Variants in SLC71A2 observed in about 807,000 individuals in gnomAD.
SLC71A2 encodes hippocampus abundant transcript-like 1.
At chr9:94,377,553 T>TTTTA in the SLC71A2 span, among the ~76,000 whole-genome samples, 15 of 132,106 alleles carry the variant, frequency 1.1e-4, no homozygotes, top group Admixed American at 6.2e-4. Context: ...TTTTTTTTTT[T>TTTTA]AATTTATTTT....
the SLC71A2 span, among the ~76,000 whole-genome samples, chr9:94,411,727 A>G: frequency 2.6e-5 from 4 of 151,820 alleles, no homozygotes; most frequent in African/African-American, 9.7e-5. Flanking sequence ...AGTAGCTGGG[A>G]TTACAGGCAC....
At chr9:94,431,157 C>T in the SLC71A2 span, among the ~76,000 whole-genome samples, 1 of 150,856 alleles carries the variant, frequency 6.6e-6, no homozygotes, top group South Asian at 2.1e-4. Context: ...ACCAAAAATA[C>T]AAAAAATTAG....
At chr9:94,413,562 C>T in the SLC71A2 span, among the ~76,000 whole-genome samples, 5 of 144,258 alleles carry the variant, frequency 3.5e-5, no homozygotes, top group South Asian at 8.9e-4. Flanking sequence ...GAATGTGGGC[C>T]GGGTATGGGG....
chr9:94,437,353 C>T, the SLC71A2 span, among the ~76,000 whole-genome samples: 1 of 142,336 alleles, frequency 7.0e-6, no homozygotes, highest in Non-Finnish European at 1.5e-5. Context: ...CCCTGCTCTC[C>T]CCACCCTGCT....
At chr9:94,458,354 G>C in the SLC71A2 span, 1 of 1,613,096 alleles carries the variant, frequency 6.2e-7, no homozygotes, top group Admixed American at 1.7e-5. Context: ...TGGAATAAGA[G>C]GACTATGCAA....
chr9:94,460,961 T>G, the SLC71A2 span: 2 of 152,182 alleles, frequency 1.3e-5, no homozygotes, highest in Admixed American at 6.5e-5. Context: ...TATTGCTCTT[T>G]TGGGTTCTCT....
chr9:94,425,131 C>T, the SLC71A2 span, among the ~76,000 whole-genome samples: 4 of 151,582 alleles, frequency 2.6e-5, no homozygotes, highest in East Asian at 5.9e-4. Context: ...AGATCAACCT[C>T]GGCGAAACCC....
At chr9:94,409,898 G>GTT in the SLC71A2 span, among the ~76,000 whole-genome samples, 38,936 of 138,026 alleles carry the variant, frequency 0.28, 5,995 homozygotes, top group Admixed American at 0.4. Flanking sequence ...TTTATATCTT[G>GTT]TTGGGAAGAG....
chr9:94,433,063 G>A, the SLC71A2 span: 365 of 392,960 alleles, frequency 9.3e-4, 1 homozygote, highest in Non-Finnish European at 1.6e-3. Context: ...AGCTCCTGGG[G>A]TGCTACTCTC....
the SLC71A2 span, among the ~76,000 whole-genome samples, chr9:94,458,894 G>T: frequency 1.3e-5 from 2 of 152,312 alleles, no homozygotes; most frequent in East Asian, 3.9e-4. Context: ...CATAGGATGG[G>T]ATTATAGGTA....
the SLC71A2 span, among the ~76,000 whole-genome samples, chr9:94,379,953 C>A: frequency 6.6e-6 from 1 of 152,042 alleles, no homozygotes; most frequent in Non-Finnish European, 1.5e-5. Context: ...GCTTTATTAC[C>A]CTATGGAAGC....
At chr9:94,383,016 T>A in the SLC71A2 span, among the ~76,000 whole-genome samples, 2 of 152,092 alleles carry the variant, frequency 1.3e-5, no homozygotes, top group Admixed American at 1.3e-4. Context: ...ATGGAAGCTT[T>A]ATAGTTTTAG....
the SLC71A2 span, chr9:94,454,076 CCTCA>C: frequency 2.5e-6 from 4 of 1,598,252 alleles, no homozygotes; most frequent in Non-Finnish European, 2.6e-6. Flanking sequence ...GCCTGGTAAG[CCTCA>C]CTCTTAGATT....
chr9:94,424,454 C>G, the SLC71A2 span, among the ~76,000 whole-genome samples: 1 of 151,812 alleles, frequency 6.6e-6, no homozygotes, highest in African/African-American at 2.4e-5. Flanking sequence ...AGGCTGGTCT[C>G]GAACTCCTGA....
the SLC71A2 span, chr9:94,459,361 C>G: frequency 2.5e-6 from 4 of 1,614,002 alleles, no homozygotes; most frequent in Non-Finnish European, 3.4e-6. Flanking sequence ...ACAGCAGCAT[C>G]TGGGAGCTCT....
the SLC71A2 span, chr9:94,459,592 ATTC>A: frequency 5.3e-6 from 3 of 560,938 alleles, no homozygotes; most frequent in Non-Finnish European, 9.1e-6. Flanking sequence ...TTTCTCTTAC[ATTC>A]TTTTTTTTTT....
the SLC71A2 span, among the ~76,000 whole-genome samples, chr9:94,419,980 T>C: frequency 0.062 from 9,494 of 152,256 alleles, 446 homozygotes; most frequent in African/African-American, 0.13. Context: ...CTTTCAGCTC[T>C]CTACTAATGG....
chr9:94,457,057 C>T, the SLC71A2 span, among the ~76,000 whole-genome samples: 1 of 151,228 alleles, frequency 6.6e-6, no homozygotes, highest in African/African-American at 2.4e-5. Flanking sequence ...GCCTCCGTCT[C>T]CTGGGCTCAA....
chr9:94,382,540 T>C, the SLC71A2 span, among the ~76,000 whole-genome samples: 278 of 152,228 alleles, frequency 1.8e-3, no homozygotes, highest in African/African-American at 6.4e-3. Flanking sequence ...AGCAGTGTCT[T>C]GAAGAACAGG....
Sources: allele counts gnomAD v4.1 joint callset (sites outside exome capture counted in the v4.1 genomes callset), GRCh38; gene constraint gnomAD v4.1.1; transcripts MANE v1.5; gene names NCBI Gene and HGNC (gene_info 2026-07-23, HGNC 2026-07-21).